Variants in AFF4 observed in about 807,000 individuals in gnomAD.
AFF4 encodes the protein ALF transcription elongation factor 4, also known as AF4/FMR2 family member 4.
In AFF4, 13 loss-of-function variants were observed where a neutral mutation model predicts 124.8. The ratio of observed to expected loss-of-function variants is 0.10; its 90% CI spans 0.07 to 0.17. The LOEUF (loss-of-function observed/expected upper bound fraction) is 0.17, where lower values mean the gene tolerates loss of function less well. AFF4 is among the 10% of genes least tolerant of loss of function. The pLI is 1.00. For synonymous variants in AFF4, 477 were observed against 496.1 expected (o/e 0.96, Z 0.51); for missense variants, 1,092 against 1,403.8 (o/e 0.78, Z 3.55).
At position 132,877,511 on chromosome 5, in the gene AFF4, T is replaced by A. The variant is rs888407450; in HGVS notation, c.*3548A>T. On this transcript the variant is annotated 3_prime_UTR_variant, in exon 21 of 21. Transcript: ENST00000265343. ...ACACATATTTGACAAACTAATTTCA[T>A]GTTTTCATACATACATACATATATA... 1 of 210,750 alleles carries A rather than the reference T, an allele frequency of 4.7e-6. No individual in the cohort carries two copies. The highest frequency in any genetic ancestry group is 9.6e-6 in the Non-Finnish European group (1 of 103,678). The allele number at this position is 210,750 out of a possible 1,614,324, so 13.1% of individuals were successfully genotyped here.
chr5:132,892,314 G>A lies in AFF4; in HGVS notation c.2487C>T (p.Gly829=). ...VPSKDPKTEH[G]SRKRTISQSS... ...ACTGACTAATAGTCCTCTTCCGAGAGCCATGCTCTGTTTTTGGATCTTTTG... is the reference window on the plus strand; with the variant it reads ...ACTGACTAATAGTCCTCTTCCGAGAACCATGCTCTGTTTTTGGATCTTTTG... Residue 829 remains glycine, a synonymous_variant, in exon 13 of 21, where the codon GGC becomes GGT. Transcript: ENST00000265343. 1 of 1,614,128 alleles carries A rather than the reference G, an allele frequency of 6.2e-7. No homozygotes were observed. Among genetic ancestry groups the A allele is most frequent in the South Asian group, 1.1e-5 (1 of 91,080 alleles).
In AFF4 at chr5:132,896,864, G is replaced by A. The variant is rs559274503; in HGVS notation, c.1766C>T (p.Pro589Leu). 2 of 1,614,108 alleles carry A rather than the reference G, an allele frequency of 1.2e-6. No individual in the cohort carries two copies. Among genetic ancestry groups the A allele is most frequent in the Middle Eastern group, 1.6e-4 (1 of 6,062 alleles). ...RGGLKIESET[P>L]VDLASSMPSS... ...GGGCATGCTGCTAGCCAAGTCTACAGGGGTTTCACTTTCTATCTTCAGGCC... is the reference window on the plus strand; with the variant it reads ...GGGCATGCTGCTAGCCAAGTCTACAAGGGTTTCACTTTCTATCTTCAGGCC... The change falls in exon 11 of 21, where the codon CCT (proline) becomes CTT (leucine). Residue 589 changes from proline (P) to leucine (L), a missense_variant. Pro to Leu is a moderately conservative substitution (Grantham distance 98). This residue lies in a region of AFF4 where 174 missense variants were observed against 205.9 expected (regional missense o/e 0.84). Coordinates refer to ENST00000265343, the MANE Select transcript of AFF4 (RefSeq NM_014423.4).
chr5:132,955,377 C>A (rs545159852), intron 1 of AFF4, among the ~76,000 whole-genome samples: 1 of 152,118 alleles, frequency 6.6e-6, no homozygotes, highest in Non-Finnish European at 1.5e-5. Flanking sequence ...CACTTCTAGC[C>A]AGTATTTCCC....
chr5:132,933,372 G>A (rs764282832), intron 3 of AFF4, among the ~76,000 whole-genome samples: 33 of 151,418 alleles, frequency 2.2e-4, no homozygotes, highest in Non-Finnish European at 3.4e-4. Context: ...ACTCTAGCAT[G>A]GGCAACAAGA....
At chr5:132,910,539 G>A (rs140901006) in intron 5 of AFF4, among the ~76,000 whole-genome samples, 51 of 152,266 alleles carry the variant, frequency 3.3e-4, no homozygotes, top group African/African-American at 1.2e-3. Flanking sequence ...TGCACATGGA[G>A]AGTAAGTACC....
In AFF4 at chr5:132,917,765, T is replaced by C. The variant is rs1223530933; in HGVS notation, c.1050+9356A>G. ...ACTCACCTTGTCGCCCAGGCTGGAG[T>C]GCAATGGCGCAATCTCGGCTCACTG... On this transcript the variant is annotated intron_variant, in intron 5 of 20. Transcript: ENST00000265343. Among the ~76,000 whole-genome samples, 6 of 129,192 alleles carry C rather than the reference T, an allele frequency of 4.6e-5. No individual in the cohort carries two copies. The Admixed American group carries it at 5.9e-4, about 13-fold the overall frequency. 84.8% of individuals were successfully genotyped at this position (129,192 alleles called of 152,430 possible).
intron 1 of AFF4, among the ~76,000 whole-genome samples, chr5:132,951,274 T>C (rs922044037): frequency 6.6e-6 from 1 of 151,774 alleles, no homozygotes; most frequent in African/African-American, 2.4e-5. Context: ...CAGCCAAGCT[T>C]CTCAAAAGGA....
chr5:132,947,674 T>C (rs1162325912), intron 1 of AFF4, among the ~76,000 whole-genome samples: 2 of 152,202 alleles, frequency 1.3e-5, no homozygotes, highest in Non-Finnish European at 2.9e-5. Context: ...TTTACCACAA[T>C]GCACTATGCT....
At chr5:132,941,132 T>C (rs1053901942) in intron 1 of AFF4, among the ~76,000 whole-genome samples, 4 of 152,208 alleles carry the variant, frequency 2.6e-5, no homozygotes. Flanking sequence ...CGATTTTTTT[T>C]GCCTCCTGTG....
Position 132,886,687 on chromosome 5 carries a change from C to T in AFF4, c.3006-284G>A, listed in dbSNP as rs532476540. Among the ~76,000 whole-genome samples, 7 of 152,184 alleles carry T rather than the reference C, an allele frequency of 4.6e-5. No homozygotes were observed. In the South Asian group the frequency reaches 8.3e-4, roughly 18 times the overall value. On this transcript the variant is annotated intron_variant, in intron 17 of 20. Transcript: ENST00000265343. ...ACATGTCATGAAGTTTTAAAAATTACGAAGGGGTAGAATTTCCAAACCAAA... is the reference window on the plus strand; with the variant it reads ...ACATGTCATGAAGTTTTAAAAATTATGAAGGGGTAGAATTTCCAAACCAAA...
intron 1 of AFF4, among the ~76,000 whole-genome samples, chr5:132,938,979 A>AG (rs1761501736): frequency 8.0e-6 from 1 of 124,960 alleles, no homozygotes; most frequent in Non-Finnish European, 1.7e-5. Flanking sequence ...TTTAATGTTT[A>AG]GAAAAAAAAA....
At chr5:132,890,528 G>GT (rs1167558622) in intron 13 of AFF4, among the ~76,000 whole-genome samples, 2 of 152,050 alleles carry the variant, frequency 1.3e-5, no homozygotes, top group Non-Finnish European at 2.9e-5. Flanking sequence ...TTTAAACACA[G>GT]TTTTCTTATA....
chr5:132,914,520 G>A (rs963845060), intron 5 of AFF4, among the ~76,000 whole-genome samples: 4 of 151,608 alleles, frequency 2.6e-5, no homozygotes, highest in South Asian at 4.2e-4. Context: ...AGAATCGCTT[G>A]AACCCGGAAG....
At chr5:132,899,785 T>TC in intron 7 of AFF4, 144 bp from the exon 8 acceptor site, 1 of 615,170 alleles carries the variant, frequency 1.6e-6, no homozygotes, top group Non-Finnish European at 2.8e-6. Flanking sequence ...TAAGTCTTAT[T>TC]CTATCTGGTT....
chr5:132,949,012 T>C (rs1007445804), intron 1 of AFF4, among the ~76,000 whole-genome samples: 7 of 152,086 alleles, frequency 4.6e-5, no homozygotes, highest in Admixed American at 3.9e-4. Context: ...GAGAAATATA[T>C]TAATCTATCC....
At chr5:132,904,441 CT>C in intron 5 of AFF4, 37 bp from the exon 6 acceptor site, 1 of 1,559,832 alleles carries the variant, frequency 6.4e-7, no homozygotes, top group African/African-American at 1.4e-5. Context: ...CAAAGTTACA[CT>C]AAAAAAGAAA....
In AFF4 at chr5:132,904,553, G is replaced by T. The variant is rs190505405; in HGVS notation, c.1051-149C>A. 1.1e-5 allele frequency: 7 copies of T among 659,682 alleles called. No individual in the cohort carries two copies. In the African/African-American group the frequency reaches 1.1e-4, roughly 10 times the overall value. The allele number at this position is 659,682 out of a possible 1,614,324, so 40.9% of individuals were successfully genotyped here. ...TGTCTGATCAGCCTTGGCAATTTTGGGATCAATAATGGACTTTCCCAGAGA... is the reference window on the plus strand; with the variant it reads ...TGTCTGATCAGCCTTGGCAATTTTGTGATCAATAATGGACTTTCCCAGAGA... On this transcript the variant is annotated intron_variant, in intron 5 of 20. Transcript: ENST00000265343.
chr5:132,948,678 AAGATGAAACC>A (rs1327735089), intron 1 of AFF4: 9 of 194,988 alleles, frequency 4.6e-5, no homozygotes, highest in Non-Finnish European at 1.0e-4. Flanking sequence ...CCATGACTGA[AAGATGAAACC>A]ACCTGGTATC....
chr5:132,937,052 A>C lies in AFF4; in HGVS notation c.123+15T>G, dbSNP rs752715959. 1 of 1,588,382 alleles carries C rather than the reference A, an allele frequency of 6.3e-7. No individual in the cohort carries two copies. Among genetic ancestry groups the C allele is most frequent in the East Asian group, 2.3e-5 (1 of 44,356 alleles). On this transcript the variant is annotated intron_variant, in intron 2 of 20. Coordinates refer to ENST00000265343, the MANE Select transcript of AFF4 (RefSeq NM_014423.4). ...ATGCTAATGGGAAAAAAACATTCAC[A>C]GAAGGGCAACTTACAACTTTGTATG... is the stretch of plus-strand genomic sequence containing the variant.
Sources: gnomAD v4.1 joint callset for allele counts (sites outside exome capture counted in the v4.1 genomes callset) on GRCh38, gnomAD v4.1.1 for gene constraint, gnomAD v4.1.1 regional missense constraint, MANE v1.5 for transcripts, NCBI Gene and HGNC (gene_info 2026-07-23, HGNC 2026-07-21) for gene names.